Variants in IPMK observed in about 807,000 individuals in gnomAD.
IPMK encodes the protein inositol polyphosphate multikinase, also known as inositol 1,3,4,6-tetrakisphosphate 5-kinase.
In IPMK, 17 loss-of-function variants were observed where a neutral mutation model predicts 45.8. The observed-to-expected ratio is 0.37, with a 90% confidence interval of 0.25 to 0.56. IPMK has a LOEUF of 0.56. IPMK is among the 20% of genes least tolerant of loss of function. The pLI, the probability that IPMK is intolerant of heterozygous loss-of-function variation, is 0.79. For missense variants in IPMK, 399 were observed against 498.0 expected, an observed-to-expected ratio of 0.80 and a Z score of 1.89; for synonymous variants, 180 against 184.3, an observed-to-expected ratio of 0.98 and a Z score of 0.19.
At chr10:58,227,007 A>C in intron 3 of IPMK, 36 bp downstream of exon 3, 1 of 1,443,004 alleles carries the variant, frequency 6.9e-7, no homozygotes, top group African/African-American at 1.4e-5. Context: ...ACACTCATGA[A>C]TTAAAACTGA....
chr10:58,216,910 G>A (rs899710491), intron 3 of IPMK, among the ~76,000 whole-genome samples: 5 of 152,116 alleles, frequency 3.3e-5, no homozygotes, highest in Non-Finnish European at 7.3e-5. Flanking sequence ...AGACTGCAGT[G>A]GCCAATCTTG....
chr10:58,259,676 A>AAAAAAAAAAAAAAC (rs1277541132), intron 1 of IPMK, among the ~76,000 whole-genome samples: 1 of 147,858 alleles, frequency 6.8e-6, no homozygotes, highest in African/African-American at 2.6e-5. Flanking sequence ...CTACATAAAA[A>AAAAAAAAAAAAAAC]AAAAAAAAAA....
At chr10:58,220,128 GA>G (rs1838309786) in intron 3 of IPMK, among the ~76,000 whole-genome samples, 1 of 152,200 alleles carries the variant, frequency 6.6e-6, no homozygotes, top group Non-Finnish European at 1.5e-5. Flanking sequence ...GGAATGCAGA[GA>G]AAACCTGTTG....
At chr10:58,230,317 G>A (rs927019266) in intron 2 of IPMK, among the ~76,000 whole-genome samples, 1 of 152,336 alleles carries the variant, frequency 6.6e-6, no homozygotes, top group Non-Finnish European at 1.5e-5. Context: ...CCGGCATGGT[G>A]TTTGAGCTCT....
intron 1 of IPMK, among the ~76,000 whole-genome samples, chr10:58,264,340 G>A (rs1385619494): frequency 6.6e-6 from 1 of 152,220 alleles, no homozygotes; most frequent in South Asian, 2.1e-4. Flanking sequence ...TAGTTTCAGA[G>A]GATATCTAAT....
chr10:58,198,960 TTGAG>T (rs2132142137), intron 5 of IPMK, among the ~76,000 whole-genome samples: 1 of 152,216 alleles, frequency 6.6e-6, no homozygotes, highest in Admixed American at 6.5e-5. Context: ...AGTTCCAGTA[TTGAG>T]TTAGATGGCT....
chr10:58,259,479 T>G (rs1839023712), intron 1 of IPMK, among the ~76,000 whole-genome samples: 3 of 151,476 alleles, frequency 2.0e-5, no homozygotes, highest in Non-Finnish European at 2.9e-5. Flanking sequence ...AATGAATGAA[T>G]GAATGAATGA....
intron 1 of IPMK, among the ~76,000 whole-genome samples, chr10:58,249,068 A>G (rs1489190070): frequency 6.6e-6 from 1 of 152,204 alleles, no homozygotes; most frequent in Non-Finnish European, 1.5e-5. Context: ...GCTGGATCAT[A>G]TGGTAGATTT....
At chr10:58,267,263 C>G (rs1474293207) in intron 1 of IPMK, among the ~76,000 whole-genome samples, 159 bp downstream of exon 1, 1 of 152,202 alleles carries the variant, frequency 6.6e-6, no homozygotes, top group Non-Finnish European at 1.5e-5. Flanking sequence ...CCCTTCTGCT[C>G]GAGTGGCGAG....
At chr10:58,207,083 A>G (rs1471044300) in intron 4 of IPMK, among the ~76,000 whole-genome samples, 1 of 151,926 alleles carries the variant, frequency 6.6e-6, no homozygotes, top group Non-Finnish European at 1.5e-5. Context: ...GCTCACTGCA[A>G]ACTCCGCCTC....
At chr10:58,242,084 A>T (rs370115257) in intron 1 of IPMK, among the ~76,000 whole-genome samples, 2 of 152,114 alleles carry the variant, frequency 1.3e-5, no homozygotes, top group African/African-American at 4.8e-5. Context: ...CAGATAAAAA[A>T]GCAAGGAAAA....
chr10:58,235,821 A>G (rs1838603163), intron 2 of IPMK, among the ~76,000 whole-genome samples: 1 of 152,096 alleles, frequency 6.6e-6, no homozygotes, highest in Non-Finnish European at 1.5e-5. Context: ...AAAAAATTTA[A>G]AAAAAAAGAA....
intron 2 of IPMK, among the ~76,000 whole-genome samples, chr10:58,232,119 CAAG>C (rs1456899885): frequency 6.6e-6 from 1 of 152,190 alleles, no homozygotes; most frequent in Non-Finnish European, 1.5e-5. Context: ...CTCAATTCAA[CAAG>C]AAGAGTTAAC....
At chr10:58,214,690 AG>A (rs1171004477) in intron 4 of IPMK, among the ~76,000 whole-genome samples, 5 of 152,234 alleles carry the variant, frequency 3.3e-5, no homozygotes, top group African/African-American at 4.8e-5. Flanking sequence ...AAACTCAAAA[AG>A]GAAGATCCAT....
intron 3 of IPMK, among the ~76,000 whole-genome samples, chr10:58,224,724 AC>A (rs1461303174): frequency 6.6e-6 from 1 of 152,138 alleles, no homozygotes; most frequent in Admixed American, 6.5e-5. Context: ...ATAAAACTCT[AC>A]CCTGGACACA....
At position 58,267,637 on chromosome 10, in the gene IPMK, A is replaced by G. The variant is rs200036307; in HGVS notation, c.-26T>C. 2.5e-4 allele frequency: 382 copies of G among 1,528,344 alleles called. 1 individual carries two copies. The highest frequency in any genetic ancestry group is 1.3e-3 in the Admixed American group (66 of 52,570). The allele number at this position is 1,528,344 out of a possible 1,614,324, so 94.7% of individuals were successfully genotyped here. ...AACGGAGAGCAGAAGCGGTAACGGC[A>G]GCGAGAGTAGGAAAAAAAATAGGGC... On this transcript the variant is annotated 5_prime_UTR_variant, in exon 1 of 6. Coordinates refer to ENST00000373935, the MANE Select transcript of IPMK (RefSeq NM_152230.5).
At chr10:58,226,986 T>C (rs1838426000) in intron 3 of IPMK, 57 bp downstream of exon 3, 2 of 1,185,336 alleles carry the variant, frequency 1.7e-6, no homozygotes, top group African/African-American at 3.1e-5. Context: ...CATAAGGCCT[T>C]TAAAGAAGCT....
At chr10:58,225,866 G>A (rs574687982) in intron 3 of IPMK, among the ~76,000 whole-genome samples, 3 of 152,082 alleles carry the variant, frequency 2.0e-5, no homozygotes, top group Admixed American at 1.3e-4. Context: ...ATGGGTTTGC[G>A]AGAGATTATA....
chr10:58,254,754 G>C (rs2590347), intron 1 of IPMK, among the ~76,000 whole-genome samples: 10,200 of 152,192 alleles, frequency 0.067, 795 homozygotes, highest in African/African-American at 0.19. Flanking sequence ...CCTGTTCAGT[G>C]GATGACTTAT....
Sources: gnomAD v4.1 joint callset for allele counts (sites outside exome capture counted in the v4.1 genomes callset) on GRCh38, gnomAD v4.1.1 for gene constraint, MANE v1.5 for transcripts, NCBI Gene and HGNC (gene_info 2026-07-23, HGNC 2026-07-21) for gene names.